The following RB1 variants were observed in gnomAD, a reference collection of about 807,000 sequenced individuals.
The protein encoded by RB1 is RB transcriptional corepressor 1, also known as retinoblastoma-associated protein.
A neutral mutation model predicts 135.4 loss-of-function variants in RB1; 18 were observed. The observed-to-expected ratio is 0.13, with a 90% confidence interval of 0.09 to 0.20. The LOEUF (loss-of-function observed/expected upper bound fraction) is 0.20, where lower values mean the gene tolerates loss of function less well. Among genes scored for constraint, RB1 ranks in the 10% least tolerant of loss-of-function variants. RB1 has a pLI of 1.00. For synonymous variants in RB1, 365 were observed against 373.2 expected (o/e 0.98, Z 0.25); for missense variants, 868 against 1,110.0 (o/e 0.78, Z 3.10).
chr13:48,379,687 C>T (rs373682367), intron 14 of RB1, 37 bp downstream of exon 14: 51 of 1,586,804 alleles, frequency 3.2e-5, no homozygotes, highest in African/African-American at 2.4e-4. Flanking sequence ...TTCAGCCGGG[C>T]GCGGTGGCTC....
intron 17 of RB1, among the ~76,000 whole-genome samples, chr13:48,421,561 A>C (rs1949004998): frequency 6.6e-6 from 1 of 152,230 alleles, no homozygotes; most frequent in South Asian, 2.1e-4. Context: ...AAAAGAAACT[A>C]TCATCAGAGT....
chr13:48,404,107 C>G (rs1047241031), intron 17 of RB1: 1 of 152,142 alleles, frequency 6.6e-6, no homozygotes, highest in African/African-American at 2.4e-5. Flanking sequence ...AGGCTGAAGC[C>G]CCATGCTGTT....
chr13:48,425,068 T>C (rs969332765), intron 17 of RB1, among the ~76,000 whole-genome samples: 1 of 151,002 alleles, frequency 6.6e-6, no homozygotes, highest in South Asian at 2.1e-4. Context: ...AAAAGAAAAA[T>C]AAAAGAATAC....
chr13:48,347,024 T>G (rs1027078916), intron 4 of RB1, among the ~76,000 whole-genome samples: 1 of 152,010 alleles, frequency 6.6e-6, no homozygotes, highest in African/African-American at 2.4e-5. Context: ...CAGTTCTGAT[T>G]TTTTTTCCTG....
intron 2 of RB1, chr13:48,318,735 GT>G: frequency 1.5e-6 from 1 of 655,550 alleles, no homozygotes; most frequent in Non-Finnish European, 2.8e-6. Flanking sequence ...CGGGTCCGGT[GT>G]TTTAGAGAGG....
chr13:48,307,434 A>T lies in RB1; in HGVS notation c.264+28A>T, dbSNP rs1365542449. 26 of 1,603,224 alleles carry T rather than the reference A, an allele frequency of 1.6e-5. No homozygotes were observed. In the Admixed American group the frequency reaches 3.5e-4, roughly 22 times the overall value. On this transcript the variant is annotated intron_variant, in intron 2 of 26. Transcript: ENST00000267163. Reference sequence around the variant, plus strand: ...AAGGATTTTCTTAAAACGTTTTGAAATTTTTTTTTCTCATTTTAAAAACAA... The same window carrying T: ...AAGGATTTTCTTAAAACGTTTTGAATTTTTTTTTTCTCATTTTAAAAACAA...
intron 17 of RB1, among the ~76,000 whole-genome samples, chr13:48,403,327 C>T (rs1271980691): frequency 6.6e-6 from 1 of 151,932 alleles, no homozygotes; most frequent in African/African-American, 2.4e-5. Flanking sequence ...CCCCGCAAAC[C>T]CTACAGAAGT....
At chr13:48,313,080 C>G (rs1463105534) in intron 2 of RB1, among the ~76,000 whole-genome samples, 1 of 152,130 alleles carries the variant, frequency 6.6e-6, no homozygotes, top group Non-Finnish European at 1.5e-5. Context: ...TGTTGGCCCC[C>G]AATGCCTGTG....
chr13:48,456,422 A>G (rs2138331990), intron 19 of RB1, 73 bp downstream of exon 19: 1 of 1,570,296 alleles, frequency 6.4e-7, no homozygotes, highest in Non-Finnish European at 8.7e-7. Context: ...TGTTTCTTCT[A>G]CTTTCTAGGT....
In RB1 at chr13:48,316,429, A is replaced by G. The variant is rs143820323; in HGVS notation, c.264+9023A>G. 2.9e-3 allele frequency among the ~76,000 whole-genome samples: 448 copies of G among 152,236 alleles called. 2 individuals carry two copies. Among genetic ancestry groups the G allele is most frequent in the African/African-American group, 0.01 (422 of 41,526 alleles). ...ATTCTCACCAGCAATCAACCAAAAA[A>G]CATCAGAGTCTCTGTGAACTTGGCT... is the stretch of plus-strand genomic sequence containing the variant. On this transcript the variant is annotated intron_variant, in intron 2 of 26. Coordinates refer to ENST00000267163, the MANE Select transcript of RB1 (RefSeq NM_000321.3).
intron 2 of RB1, among the ~76,000 whole-genome samples, chr13:48,335,728 A>G (rs762012790): frequency 6.6e-6 from 1 of 151,816 alleles, no homozygotes; most frequent in Non-Finnish European, 1.5e-5. Flanking sequence ...AACAATTTTT[A>G]AAGTGCTATC....
chr13:48,376,223 G>A (rs375573133), intron 12 of RB1, among the ~76,000 whole-genome samples: 191 of 152,058 alleles, frequency 1.3e-3, no homozygotes, highest in African/African-American at 4.1e-3. Context: ...GAAATGGTCC[G>A]GGCATGGTGG....
intron 2 of RB1, among the ~76,000 whole-genome samples, chr13:48,334,622 ATTATT>A (rs1952367081): frequency 6.6e-6 from 1 of 152,226 alleles, no homozygotes; most frequent in South Asian, 2.1e-4. Context: ...TAGATAGAAC[ATTATT>A]TTTAACTTTT....
intron 12 of RB1, among the ~76,000 whole-genome samples, chr13:48,376,604 T>C (rs765956957): frequency 6.6e-6 from 1 of 152,116 alleles, no homozygotes; most frequent in Non-Finnish European, 1.5e-5. Context: ...TAACTCTTAA[T>C]TGAAGGTATT....
At chr13:48,340,497 A>G (rs1209082176) in intron 2 of RB1, among the ~76,000 whole-genome samples, 2 of 152,124 alleles carry the variant, frequency 1.3e-5, no homozygotes, top group Non-Finnish European at 2.9e-5. Context: ...TAAATGTTCT[A>G]ATAAAATTCG....
rs537138709 is a variant in RB1 at position 48,396,598 on chromosome 13, A to C, written c.1695+15155A>C. Among the ~76,000 whole-genome samples, 19 of 152,374 alleles carry C rather than the reference A, an allele frequency of 1.2e-4. No homozygotes were observed. The Middle Eastern group carries it at 0.014, about 109-fold the overall frequency. On this transcript the variant is annotated intron_variant, in intron 17 of 26. Transcript: ENST00000267163. Reference sequence around the variant, plus strand: ...GGACATAGGCATGGGCAAAGACTTCATGACCAAAACACCAAAAGCAATGGC... The same window carrying C: ...GGACATAGGCATGGGCAAAGACTTCCTGACCAAAACACCAAAAGCAATGGC...
chr13:48,459,532 T>C lies in RB1; in HGVS notation c.1961-156T>C, dbSNP rs4151595. Among the ~76,000 whole-genome samples the C allele has an allele frequency of 8.8e-3, 1,344 of 152,208 alleles. 10 individuals carry two copies. Among genetic ancestry groups the C allele is most frequent in the Non-Finnish European group, 0.014 (940 of 68,022 alleles). On this transcript the variant is annotated intron_variant, in intron 19 of 26. Transcript: ENST00000267163. The stretch of plus-strand genomic sequence containing the variant: ...ATGCCTCATAATAAACCAGTAAACA[T>C]GTTTCTCTGGGGGAAAGAAAAGAGT...
chr13:48,461,331 T>C (rs198584), intron 20 of RB1, among the ~76,000 whole-genome samples: 39,771 of 152,176 alleles, frequency 0.26, 5,282 homozygotes, highest in African/African-American at 0.3. Context: ...TATTGTAGCT[T>C]GTATCAGTAC....
chr13:48,433,493 T>C (rs1033091069), intron 17 of RB1, among the ~76,000 whole-genome samples: 1 of 151,888 alleles, frequency 6.6e-6, no homozygotes, highest in Non-Finnish European at 1.5e-5. Flanking sequence ...TGGAGATGAA[T>C]CTGTAAAAAA....
Sources: allele counts gnomAD v4.1 joint callset (sites outside exome capture counted in the v4.1 genomes callset), GRCh38; gene constraint gnomAD v4.1.1; transcripts MANE v1.5; gene names NCBI Gene and HGNC (gene_info 2026-07-23, HGNC 2026-07-21).